PHLPP2: variants seen among roughly 807,000 people sequenced by gnomAD.
PHLPP2 encodes the protein PH domain and leucine rich repeat protein phosphatase 2.
A neutral mutation model predicts 124.9 loss-of-function variants in PHLPP2; 66 were observed. The observed-to-expected ratio is 0.53, with a 90% CI of 0.43 to 0.65. The LOEUF (loss-of-function observed/expected upper bound fraction) is 0.65. Ranked by LOEUF, PHLPP2 falls within the 30% of genes least tolerant of loss-of-function variation. The pLI, the probability that PHLPP2 is intolerant of heterozygous loss-of-function variation, is 0.00. For missense variants in PHLPP2, 1,685 were observed against 1,600.4 expected (o/e 1.05, Z -0.90); for synonymous variants, 681 against 624.7 (o/e 1.09, Z -1.34).
intron 11 of PHLPP2, 79 bp from the exon 12 acceptor site, chr16:71,667,412 C>T (rs1244943836): frequency 9.0e-7 from 1 of 1,116,224 alleles, no homozygotes; most frequent in Non-Finnish European, 1.3e-6. Flanking sequence ...GCCTATTTAA[C>T]TGAAATTAGT....
chr16:71,717,952 C>T (rs1261556466), intron 1 of PHLPP2, among the ~76,000 whole-genome samples: 1 of 152,128 alleles, frequency 6.6e-6, no homozygotes, highest in African/African-American at 2.4e-5. Flanking sequence ...ACTACAGTGG[C>T]GTGATCATAG....
chr16:71,719,964 A>ATTTTTTTTTTTTTTTTTTTT lies in PHLPP2; in HGVS notation c.-7+4345_-7+4364dup. 1.9e-3 allele frequency among the ~76,000 whole-genome samples: 100 copies of ATTTTTTTTTTTTTTTTTTTT among 53,246 alleles called. 19 individuals carry two copies. The highest frequency in any genetic ancestry group is 2.7e-3 in the African/African-American group (32 of 11,980). The allele number at this position is 53,246 out of a possible 152,430, so 34.9% of individuals were successfully genotyped here. Reference sequence around the variant, plus strand: ...AGGTGCACAACACCATGCCCAGCTAATTTTTTTTTTTTTTTTTTTTTTTTG... The same window carrying ATTTTTTTTTTTTTTTTTTTT: ...AGGTGCACAACACCATGCCCAGCTAATTTTTTTTTTTTTTTTTTTTTTTTTTTTTTTTTTTTTTTTTTTTG... On this transcript the variant is annotated intron_variant, in intron 1 of 18. Transcript: ENST00000568954.
Position 71,681,861 on chromosome 16 carries a change from G to C in PHLPP2, c.780C>G (p.Ser260Arg), listed in dbSNP as rs778674012. The C allele has an allele frequency of 1.2e-6, 2 of 1,613,648 alleles. No homozygotes were observed. Among genetic ancestry groups the C allele is most frequent in the Non-Finnish European group, 8.5e-7 (1 of 1,179,724 alleles). Residue 260 changes from serine to arginine, a missense_variant, in exon 6 of 19, where the codon AGC becomes AGG. Ser to Arg is a moderately radical substitution (Grantham distance 110). Transcript: ENST00000568954. The part of the protein sequence containing the change: ...RISTVDLSCY[S>R]LEEVPEHLFY... ...AGAGATGCTCAGGAACCTCCTCGAG[G>C]CTGTAACACGAGAGATCCACGGTAC...
rs766578164 is a variant in PHLPP2, at chr16:71,679,503, T to C, written c.923A>G (p.His308Arg). 3.1e-6 allele frequency: 5 copies of C among 1,614,022 alleles called. No homozygotes were observed. The highest frequency in any genetic ancestry group is 1.3e-5 in the African/African-American group (1 of 74,936). Residue 308 changes from histidine (H) to arginine (R), a missense_variant, in exon 7 of 19, where the codon CAT (histidine) becomes CGT (arginine). Transcript: ENST00000568954. ...FSQLKGLNLS[H>R]NKLGLFPILL... ...TATAGGAAACAACCCAAGTTTATTA[T>C]GGGACAAGTTCAGGCCCTTCAGTTG...
At chr16:71,679,614 T>C in intron 6 of PHLPP2, 79 bp from the exon 7 acceptor site, 1 of 1,161,716 alleles carries the variant, frequency 8.6e-7, no homozygotes, top group Non-Finnish European at 1.3e-6. Context: ...TCAACGGCCT[T>C]TGATATCTAT....
Position 71,704,834 on chromosome 16 carries a change from C to T in PHLPP2, c.285-2103G>A, listed in dbSNP as rs576508843. 5.7e-4 allele frequency among the ~76,000 whole-genome samples: 87 copies of T among 152,188 alleles called. No individual in the cohort carries two copies. In the South Asian group the frequency reaches 0.016, roughly 29 times the overall value. On this transcript the variant is annotated intron_variant, in intron 2 of 18. Coordinates refer to ENST00000568954, the MANE Select transcript of PHLPP2 (RefSeq NM_015020.3). Reference sequence around the variant, plus strand: ...GTGGGATTCTTCTGAGAGAAAGACACGTTTTAAGGGGGACTTTTAATAAAC... The same window carrying T: ...GTGGGATTCTTCTGAGAGAAAGACATGTTTTAAGGGGGACTTTTAATAAAC...
rs1259112764 is a variant in PHLPP2 at position 71,661,323 on chromosome 16, A to G, written c.1986-2508T>C. Among the ~76,000 whole-genome samples the G allele has an allele frequency of 4.6e-5, 7 of 151,938 alleles. No individual in the cohort carries two copies. The East Asian group carries it at 1.2e-3, about 25-fold the overall frequency. On this transcript the variant is annotated intron_variant, in intron 13 of 18. Transcript: ENST00000568954. The stretch of plus-strand genomic sequence containing the variant: ...TGATCTCACGTGATCCACCCAACTC[A>G]GCTTCCCAAAGTGCTGGGATTACAG...
intron 2 of PHLPP2, among the ~76,000 whole-genome samples, chr16:71,713,291 T>C (rs1275040239): frequency 2.0e-5 from 3 of 152,220 alleles, no homozygotes; most frequent in African/African-American, 7.2e-5. Context: ...AGCTCATTCA[T>C]GTGTATGTGC....
At position 71,667,333 on chromosome 16, in the gene PHLPP2, T is replaced by A; in HGVS notation, c.1629A>T (p.Arg543Ser). Residue 543 changes from arginine (R) to serine (S), a missense_variant and splice_region_variant, in exon 12 of 19, where the codon AGA (arginine) becomes AGT (serine). Arg to Ser is a moderately radical substitution (Grantham distance 110, BLOSUM62 -1). Transcript: ENST00000568954. ...TTCTAAGACTCAAGCTACTCAGAAT[T>A]CTAAGGGGGGAGCATACAAACAAAC... Reference protein sequence around the residue: ...SYNLLTEVPVRILSSLSLRKL... With the variant: ...SYNLLTEVPVSILSSLSLRKL... The A allele has an allele frequency of 4.3e-6, 7 of 1,611,254 alleles. No homozygotes were observed. In the South Asian group the frequency reaches 7.7e-5, roughly 18 times the overall value.
rs754935774 is a variant in PHLPP2, at chr16:71,678,835, C to G, written c.1188G>C (p.Val396=). 1 of 1,612,556 alleles carries G rather than the reference C, an allele frequency of 6.2e-7. No individual in the cohort carries two copies. The highest frequency in any genetic ancestry group is 1.7e-5 in the Admixed American group (1 of 60,020). The part of the protein sequence containing the change: ...VYEKLTMLDR[V]VMAGNCLEVL... The stretch of plus-strand genomic sequence containing the variant: ...CTTCCAGGCAATTTCCTGCCATAAC[C>G]ACTCTATCTAACATAGTGAGTTTCT... Residue 396 remains valine (V), a synonymous_variant, in exon 8 of 19, where the codon GTG becomes GTC. Coordinates refer to ENST00000568954, the MANE Select transcript of PHLPP2 (RefSeq NM_015020.3).
intron 7 of PHLPP2, 27 bp from the exon 8 acceptor site, chr16:71,679,012 A>G (rs2044972863): frequency 3.9e-6 from 5 of 1,270,352 alleles, no homozygotes; most frequent in Non-Finnish European, 4.6e-6. Context: ...AAACAAGTCT[A>G]CTTTATGAAA....
intron 2 of PHLPP2, among the ~76,000 whole-genome samples, chr16:71,713,737 T>C (rs985676465): frequency 3.3e-5 from 5 of 152,162 alleles, no homozygotes; most frequent in Non-Finnish European, 7.3e-5. Flanking sequence ...AAATTTATAA[T>C]ATATGTAGAG....
intron 13 of PHLPP2, 132 bp downstream of exon 13, chr16:71,663,767 A>G: frequency 4.2e-6 from 3 of 712,456 alleles, no homozygotes; most frequent in Admixed American, 2.2e-5. Flanking sequence ...TTGCCACTCA[A>G]CTAGTGAAAT....
In PHLPP2 at chr16:71,714,734, C is replaced by T; in HGVS notation, c.62G>A (p.Arg21Lys). Residue 21 changes from arginine (R) to lysine (K), a missense_variant, in exon 2 of 19, where the codon AGA becomes AAA. Coordinates refer to ENST00000568954, the MANE Select transcript of PHLPP2 (RefSeq NM_015020.3). ...NRRSRFGSRE[R>K]DWLREDVKRG... ...CTTTACATCTTCTCTTAGCCAGTCT[C>T]TTTCTCGAGAACCAAACCTACTTCT... The T allele has an allele frequency of 6.2e-7, 1 of 1,614,180 alleles. No individual in the cohort carries two copies. The highest frequency in any genetic ancestry group is 8.5e-7 in the Non-Finnish European group (1 of 1,180,018).
At chr16:71,706,063 G>C (rs948602563) in intron 2 of PHLPP2, among the ~76,000 whole-genome samples, 73 of 152,268 alleles carry the variant, frequency 4.8e-4, no homozygotes, top group African/African-American at 1.7e-3. Flanking sequence ...CAATCAAAGG[G>C]AAATAATATA....
intron 5 of PHLPP2, among the ~76,000 whole-genome samples, chr16:71,683,026 C>A (rs920298222): frequency 1.3e-5 from 2 of 152,072 alleles, no homozygotes; most frequent in African/African-American, 4.8e-5. Flanking sequence ...CACAGATTAG[C>A]TGGGCGTGAT....
chr16:71,695,809 G>C (rs937040514), intron 3 of PHLPP2, among the ~76,000 whole-genome samples: 2 of 151,446 alleles, frequency 1.3e-5, no homozygotes, highest in Admixed American at 6.6e-5. Flanking sequence ...AAAGCATGAA[G>C]ACCAATACCA....
intron 13 of PHLPP2, among the ~76,000 whole-genome samples, chr16:71,661,816 T>C (rs2044793866): frequency 6.6e-6 from 1 of 151,248 alleles, no homozygotes; most frequent in Non-Finnish European, 1.5e-5. Flanking sequence ...CTACACAAGT[T>C]TGTTTTGTTT....
In PHLPP2 at chr16:71,682,508, G is replaced by A. The variant is rs139157731; in HGVS notation, c.736-603C>T. Among the ~76,000 whole-genome samples the A allele has an allele frequency of 2.9e-3, 444 of 152,148 alleles. 2 individuals are homozygous for A. Among genetic ancestry groups the A allele is most frequent in the Non-Finnish European group, 3.0e-3 (206 of 68,006 alleles). ...GCAAGAAGTTATCTTAAGATGATTC[G>A]AAATAAATGGAAAAAACTTTAAGAG... On this transcript the variant is annotated intron_variant, in intron 5 of 18. Coordinates refer to ENST00000568954, the MANE Select transcript of PHLPP2 (RefSeq NM_015020.3).
Sources: gnomAD v4.1 joint callset for allele counts (sites outside exome capture counted in the v4.1 genomes callset) on GRCh38, gnomAD v4.1.1 for gene constraint, MANE v1.5 for transcripts, NCBI Gene and HGNC (gene_info 2026-07-23, HGNC 2026-07-21) for gene names.